Variants in BEND2 observed in about 807,000 individuals in gnomAD.
BEND2 encodes BEN domain containing 2.
BEND2 carries 19 observed loss-of-function variants against 43.8 expected under a neutral mutation model. The ratio of observed to expected loss-of-function variants is 0.43; its 90% CI spans 0.30 to 0.64. The LOEUF (loss-of-function observed/expected upper bound fraction) is 0.64, where lower values mean the gene tolerates loss of function less well. Ranked by LOEUF, BEND2 falls within the 30% of genes least tolerant of loss-of-function variation. The pLI, the probability that BEND2 is intolerant of heterozygous loss-of-function variation, is 0.11. For synonymous variants in BEND2, 226 were observed against 210.1 expected, an observed-to-expected ratio of 1.08 and a Z score of -0.66; for missense variants, 544 against 574.0, an observed-to-expected ratio of 0.95 and a Z score of 0.53.
chrX:18,219,315 C>T lies in BEND2; in HGVS notation c.25+1411G>A, dbSNP rs779061059. ...CGGGAGGGACGCGATCCGCCACCAG[C>T]CAAATCAGGGCCTTTCCTCTTAACG... is the stretch of plus-strand genomic sequence containing the variant. On this transcript the variant is annotated intron_variant, in intron 1 of 13. Coordinates refer to ENST00000380033, the MANE Select transcript of BEND2 (RefSeq NM_153346.5). Among the ~76,000 whole-genome samples the T allele has an allele frequency of 4.6e-3, 517 of 112,865 alleles. 2 individuals carry two copies. Among genetic ancestry groups the T allele is most frequent in the Non-Finnish European group, 7.9e-3 (421 of 53,324 alleles).
intron 12 of BEND2, among the ~76,000 whole-genome samples, chrX:18,173,142 G>A (rs1314173425): frequency 9.0e-6 from 1 of 111,043 alleles, no homozygotes; most frequent in African/African-American, 3.3e-5. Context: ...GGGCTTAGTC[G>A]CCCTGTCCCC....
intron 1 of BEND2, among the ~76,000 whole-genome samples, chrX:18,220,173 A>G (rs952016283): frequency 8.9e-6 from 1 of 112,060 alleles, no homozygotes; most frequent in Non-Finnish European, 1.9e-5. Flanking sequence ...AACACCCGGA[A>G]TTTGAGGCTG....
Position 18,163,143 on chromosome X carries a change from T to C in BEND2, c.*1866A>G, listed in dbSNP as rs1035752062. ...TAAAATACAAAACACCTTTATAAAATGTATTTTGTCCAGTCAAATGTGATC... is the reference window on the plus strand; with the variant it reads ...TAAAATACAAAACACCTTTATAAAACGTATTTTGTCCAGTCAAATGTGATC... On this transcript the variant is annotated 3_prime_UTR_variant, in exon 14 of 14. Transcript: ENST00000380033. 1.8e-5 allele frequency: 2 copies of C among 111,851 alleles called. No individual in the cohort carries two copies. The highest frequency in any genetic ancestry group is 9.5e-5 in the Admixed American group (1 of 10,519). The allele number at this position is 111,851 out of a possible 1,213,427, so 9.2% of individuals were successfully genotyped here. A position where few individuals can be genotyped will look rare whatever the true frequency, so the allele number is the denominator to read the frequency against.
intron 13 of BEND2, 158 bp downstream of exon 13, chrX:18,170,843 C>G: frequency 1.0e-6 from 1 of 976,973 alleles, no homozygotes; most frequent in Non-Finnish European, 1.4e-6. Context: ...AAATACAATT[C>G]ATGATCTTGC....
At chrX:18,166,464 A>G (rs760299662) in intron 13 of BEND2, among the ~76,000 whole-genome samples, 2 of 111,822 alleles carry the variant, frequency 1.8e-5, no homozygotes, top group African/African-American at 6.5e-5. Flanking sequence ...CCCACAGAAA[A>G]GATAAGTGGA....
chrX:18,169,076 G>A (rs1923897468), intron 13 of BEND2, among the ~76,000 whole-genome samples: 1 of 110,133 alleles, frequency 9.1e-6, no homozygotes, highest in African/African-American at 3.3e-5. Flanking sequence ...GGACTGGAGT[G>A]CAGGGTTGCA....
At chrX:18,189,683 G>A (rs1426110061) in intron 8 of BEND2, among the ~76,000 whole-genome samples, 1 of 111,654 alleles carries the variant, frequency 9.0e-6, no homozygotes, top group Non-Finnish European at 1.9e-5. Context: ...ATTACTATAA[G>A]ACAAGAATAG....
At chrX:18,187,410 TAATGATTAAGGGGTC>T (rs752346356) in intron 8 of BEND2, among the ~76,000 whole-genome samples, 7 of 112,104 alleles carry the variant, frequency 6.2e-5, no homozygotes, top group Non-Finnish European at 1.3e-4. Context: ...GACCATCACA[TAATGATTAAGGGGTC>T]AATTCAGCAA....
At position 18,176,086 on chromosome X, in the gene BEND2, C is replaced by G. The variant is rs185082394; in HGVS notation, c.1638G>C (p.Leu546=). 3.2e-5 allele frequency: 38 copies of G among 1,184,917 alleles called. No individual in the cohort carries two copies. The Admixed American group carries it at 9.3e-4, about 29-fold the overall frequency. The change falls in exon 11 of 14, where the codon CTG becomes CTC. Residue 546 remains leucine, a synonymous_variant. Coordinates refer to ENST00000380033, the MANE Select transcript of BEND2 (RefSeq NM_153346.5). ...PNKMAALREY[L]ATTFPTCDLH... ...AATCACAGGTGGGAAAAGTTGTTGC[C>G]AGATATTCTGCAAACAGCAGAAAGT...
rs1204577034 is a variant in BEND2 at position 18,163,744 on chromosome X, C to T, written c.*1265G>A. ...TTTGAAATTTCTTCTTGCCTAGGGT[C>T]GAACTGTACTTTTCTTTTAAAAAAA... On this transcript the variant is annotated 3_prime_UTR_variant, in exon 14 of 14. Coordinates refer to ENST00000380033, the MANE Select transcript of BEND2 (RefSeq NM_153346.5). 1 of 111,928 alleles carries T rather than the reference C, an allele frequency of 8.9e-6. No homozygotes were observed. The highest frequency in any genetic ancestry group is 1.9e-5 in the Non-Finnish European group (1 of 53,156). 9.2% of individuals were successfully genotyped at this position (111,928 alleles called of 1,213,427 possible).
intron 8 of BEND2, among the ~76,000 whole-genome samples, chrX:18,185,533 AAATAAT>A (rs141832867): frequency 0.24 from 21,057 of 87,884 alleles, 2,262 homozygotes; most frequent in Middle Eastern, 0.3. Flanking sequence ...TCAGTCGCAA[AAATAAT>A]AATAATAATA....
chrX:18,196,367 A>G (rs998382056), intron 6 of BEND2, among the ~76,000 whole-genome samples: 1 of 110,834 alleles, frequency 9.0e-6, no homozygotes, highest in Admixed American at 9.7e-5. Flanking sequence ...AAACTGGATC[A>G]CCCATACATG....
intron 4 of BEND2, among the ~76,000 whole-genome samples, chrX:18,210,914 G>A (rs1925482411): frequency 9.0e-6 from 1 of 111,464 alleles, no homozygotes; most frequent in African/African-American, 3.3e-5. Context: ...CAAAATACAT[G>A]ATAAAAAATT....
chrX:18,174,405 C>T (rs376527474), intron 11 of BEND2, 147 bp from the exon 12 acceptor site: 30 of 494,213 alleles, frequency 6.1e-5, no homozygotes, highest in African/African-American at 5.3e-4. Flanking sequence ...TACTGTGTGT[C>T]GCAATACTAT....
chrX:18,168,875 C>T (rs1923890594), intron 13 of BEND2, among the ~76,000 whole-genome samples: 1 of 111,999 alleles, frequency 8.9e-6, no homozygotes, highest in Non-Finnish European at 1.9e-5. Flanking sequence ...GGATATGAAT[C>T]AGTAGTTCAA....
At chrX:18,206,310 A>C (rs1946144853) in intron 4 of BEND2, among the ~76,000 whole-genome samples, 1 of 111,425 alleles carries the variant, frequency 9.0e-6, no homozygotes, top group South Asian at 3.8e-4. Context: ...AAACATGAGA[A>C]GGAGCTCACC....
intron 7 of BEND2, among the ~76,000 whole-genome samples, chrX:18,193,964 A>G (rs1289688834): frequency 2.7e-5 from 3 of 112,113 alleles, no homozygotes; most frequent in African/African-American, 9.7e-5. Flanking sequence ...CCCTCAGGAA[A>G]GAAGGGAAAA....
intron 7 of BEND2, among the ~76,000 whole-genome samples, chrX:18,192,039 AT>A (rs1367443837): frequency 2.7e-5 from 3 of 112,153 alleles, no homozygotes; most frequent in African/African-American, 9.7e-5. Flanking sequence ...ATGAATCTAG[AT>A]TAAATAGTGC....
At chrX:18,219,766 C>T (rs1295317369) in intron 1 of BEND2, among the ~76,000 whole-genome samples, 1 of 111,183 alleles carries the variant, frequency 9.0e-6, no homozygotes, top group Non-Finnish European at 1.9e-5. Flanking sequence ...ATTAGCCGGG[C>T]GTGGTGGTGC....
Sources: gnomAD v4.1 joint callset for allele counts (sites outside exome capture counted in the v4.1 genomes callset) on GRCh38, gnomAD v4.1.1 for gene constraint, MANE v1.5 for transcripts, NCBI Gene and HGNC (gene_info 2026-07-23, HGNC 2026-07-21) for gene names.